EYA2: variants seen among roughly 807,000 people sequenced by gnomAD.
EYA2 encodes the protein protein phosphatase EYA2.
A neutral mutation model predicts 69.2 loss-of-function variants in EYA2; 31 were observed. The observed-to-expected ratio is 0.45, with a 90% CI of 0.34 to 0.60. The LOEUF is 0.60. Ranked by LOEUF, EYA2 falls within the 20% of genes least tolerant of loss-of-function variation. The probability of loss-of-function intolerance (pLI) is 0.02; values close to 1 mark genes in which losing one functional copy is unlikely to be tolerated. For missense variants in EYA2, 622 were observed against 701.2 expected (o/e 0.89, Z 1.28); for synonymous variants, 257 against 279.4 (o/e 0.92, Z 0.80).
intron 10 of EYA2, chr20:47,161,093 CT>C: frequency 3.2e-6 from 1 of 314,294 alleles, no homozygotes. Context: ...TCAGCAGCAG[CT>C]TTTGGGCATG....
At chr20:47,109,430 CTTT>C (rs908002651) in intron 9 of EYA2, among the ~76,000 whole-genome samples, 3 of 152,096 alleles carry the variant, frequency 2.0e-5, no homozygotes, top group African/African-American at 7.2e-5. Context: ...AGTGTATAGC[CTTT>C]TGTTTGTTTC....
chr20:47,141,500 T>C (rs2033594419), intron 9 of EYA2, among the ~76,000 whole-genome samples: 1 of 152,228 alleles, frequency 6.6e-6, no homozygotes, highest in African/African-American at 2.4e-5. Flanking sequence ...ACCATTGTGC[T>C]GCATATTTTC....
chr20:47,115,430 A>G (rs146014378), intron 9 of EYA2, among the ~76,000 whole-genome samples: 1 of 152,050 alleles, frequency 6.6e-6, no homozygotes, highest in African/African-American at 2.4e-5. Context: ...TACTCCTGTT[A>G]TTCACTGGGA....
At chr20:46,966,474 A>G (rs922304634) in intron 1 of EYA2, among the ~76,000 whole-genome samples, 1 of 152,222 alleles carries the variant, frequency 6.6e-6, no homozygotes, top group African/African-American at 2.4e-5. Context: ...TGAGCCACAT[A>G]TGTAACTGCA....
intron 5 of EYA2, among the ~76,000 whole-genome samples, chr20:47,070,165 A>G (rs1312221372): frequency 3.3e-5 from 5 of 152,244 alleles, no homozygotes; most frequent in Non-Finnish European, 7.3e-5. Flanking sequence ...AAGATATATA[A>G]AGAACTCTTA....
chr20:47,166,650 T>C (rs980499826), intron 10 of EYA2, among the ~76,000 whole-genome samples: 4 of 151,600 alleles, frequency 2.6e-5, no homozygotes, highest in African/African-American at 9.7e-5. Context: ...TGTGGGAAAA[T>C]GTGTAAGATC....
intron 1 of EYA2, chr20:46,901,527 C>T (rs1984108390): frequency 6.6e-6 from 1 of 152,170 alleles, no homozygotes; most frequent in Non-Finnish European, 1.5e-5. Context: ...GATGGAAATT[C>T]CAAGTAGGGA....
chr20:47,163,353 C>T (rs1399182977), intron 10 of EYA2, among the ~76,000 whole-genome samples: 3 of 152,190 alleles, frequency 2.0e-5, no homozygotes, highest in Non-Finnish European at 2.9e-5. Flanking sequence ...CTTTAACCTG[C>T]GTTTTTCACA....
At position 47,016,458 on chromosome 20, in the gene EYA2, C is replaced by T. The variant is rs183524079; in HGVS notation, c.415+161C>T. Among the ~76,000 whole-genome samples the T allele has an allele frequency of 5.3e-5, 8 of 152,268 alleles. No individual in the cohort carries two copies. The East Asian group carries it at 1.5e-3, about 29-fold the overall frequency. On this transcript the variant is annotated intron_variant, in intron 5 of 15. Coordinates refer to ENST00000327619, the MANE Select transcript of EYA2 (RefSeq NM_005244.5). ...AGATACGAGATCTGCCTTTCATGGTCGTTACCTGGCAGTGGGGAGAGACTA... is the reference window on the plus strand; with the variant it reads ...AGATACGAGATCTGCCTTTCATGGTTGTTACCTGGCAGTGGGGAGAGACTA...
intron 1 of EYA2, chr20:46,979,654 G>C (rs557563065): frequency 6.6e-6 from 1 of 152,214 alleles, no homozygotes; most frequent in East Asian, 1.9e-4. Flanking sequence ...GGGGAAGAGT[G>C]GGGAGAATGT....
intron 1 of EYA2, among the ~76,000 whole-genome samples, chr20:46,897,681 G>A (rs1315050587): frequency 6.6e-6 from 1 of 152,200 alleles, no homozygotes; most frequent in African/African-American, 2.4e-5. Flanking sequence ...AGCCGCTTAT[G>A]ACAGATGCCT....
At chr20:46,971,022 G>C (rs550939514) in intron 1 of EYA2, among the ~76,000 whole-genome samples, 1 of 151,924 alleles carries the variant, frequency 6.6e-6, no homozygotes, top group Non-Finnish European at 1.5e-5. Context: ...GTTTAGGAAA[G>C]CTCATTAGAT....
chr20:47,079,057 T>C (rs1473626141), intron 7 of EYA2, among the ~76,000 whole-genome samples: 2 of 152,260 alleles, frequency 1.3e-5, no homozygotes, highest in Non-Finnish European at 2.9e-5. Context: ...TTTTGTACTG[T>C]TAGTACATAA....
intron 1 of EYA2, among the ~76,000 whole-genome samples, chr20:46,963,692 A>G (rs137975632): frequency 1.6e-4 from 25 of 152,324 alleles, no homozygotes; most frequent in African/African-American, 4.8e-4. Flanking sequence ...AACACCTCCC[A>G]AGGTGGTTCT....
chr20:47,133,308 C>A (rs1414959914), intron 9 of EYA2, among the ~76,000 whole-genome samples: 1 of 152,120 alleles, frequency 6.6e-6, no homozygotes, highest in African/African-American at 2.4e-5. Context: ...AGGCCAATGC[C>A]CATTGGCTCA....
chr20:46,919,225 T>C (rs528520041), intron 1 of EYA2, among the ~76,000 whole-genome samples: 1 of 152,374 alleles, frequency 6.6e-6, no homozygotes, highest in African/African-American at 2.4e-5. Flanking sequence ...ATCAGCTGCA[T>C]TGGCCCTTAA....
chr20:47,166,403 A>ATT (rs2034191130), intron 10 of EYA2, among the ~76,000 whole-genome samples: 17 of 122,528 alleles, frequency 1.4e-4, no homozygotes, highest in African/African-American at 7.1e-4. Flanking sequence ...TAAAAAAAAA[A>ATT]AAAAAAAAAA....
intron 8 of EYA2, among the ~76,000 whole-genome samples, chr20:47,094,354 AT>A (rs986563909): frequency 7.2e-5 from 11 of 152,210 alleles, no homozygotes; most frequent in Non-Finnish European, 1.3e-4. Flanking sequence ...ATTTTCAAAC[AT>A]TTTTACCATG....
chr20:47,140,189 T>A (rs2033565398), intron 9 of EYA2, among the ~76,000 whole-genome samples: 1 of 152,196 alleles, frequency 6.6e-6, no homozygotes, highest in African/African-American at 2.4e-5. Context: ...GCTTTGGATA[T>A]GAGTAATGCA....
Sources: gnomAD v4.1 joint callset for allele counts (sites outside exome capture counted in the v4.1 genomes callset) on GRCh38, gnomAD v4.1.1 for gene constraint, MANE v1.5 for transcripts, NCBI Gene and HGNC (gene_info 2026-07-23, HGNC 2026-07-21) for gene names.